ADK: variants seen among roughly 807,000 people sequenced by gnomAD.
The protein encoded by ADK is adenosine kinase, also known as N6,N6-dimethyladenosine kinase.
In ADK, 24 loss-of-function variants were observed where a neutral mutation model predicts 44.7. The observed-to-expected ratio is 0.54, with a 90% CI of 0.39 to 0.76. The LOEUF (loss-of-function observed/expected upper bound fraction) is 0.76, where lower values mean the gene tolerates loss of function less well. Among genes scored for constraint, ADK ranks in the 30% least tolerant of loss-of-function variants. ADK has a pLI of 0.00. For synonymous variants in ADK, 128 were observed against 142.6 expected (o/e 0.90, Z 0.73); for missense variants, 321 against 425.1 (o/e 0.76, Z 2.15).
At chr10:74,696,155 G>A (rs1474800985) in intron 10 of ADK, among the ~76,000 whole-genome samples, 2 of 151,772 alleles carry the variant, frequency 1.3e-5, no homozygotes, top group Admixed American at 6.6e-5. Context: ...CGAATAGCTA[G>A]GATTGCAGGC....
At chr10:74,335,753 ATTGT>A (rs755057516) in intron 4 of ADK, among the ~76,000 whole-genome samples, 1 of 152,112 alleles carries the variant, frequency 6.6e-6, no homozygotes, top group Non-Finnish European at 1.5e-5. Flanking sequence ...GGAGCATCTC[ATTGT>A]TTGTTTCTAC....
At chr10:74,230,892 G>T (rs1844734656) in intron 3 of ADK, among the ~76,000 whole-genome samples, 1 of 152,110 alleles carries the variant, frequency 6.6e-6, no homozygotes, top group African/African-American at 2.4e-5. Flanking sequence ...ATATTGGTCA[G>T]GCTGGTCTCA....
At chr10:74,574,170 T>C (rs938971526) in intron 7 of ADK, among the ~76,000 whole-genome samples, 73 of 150,382 alleles carry the variant, frequency 4.9e-4, no homozygotes, top group African/African-American at 9.0e-4. Context: ...TTCTTTCTTT[T>C]TTTTTTTTTT....
At chr10:74,667,229 A>G (rs774083387) in intron 9 of ADK, among the ~76,000 whole-genome samples, 28 of 152,310 alleles carry the variant, frequency 1.8e-4, no homozygotes, top group South Asian at 6.2e-4. Flanking sequence ...AAGATTTTTC[A>G]GAGTCATCAT....
intron 4 of ADK, chr10:74,344,805 T>C (rs1045240601): frequency 5.5e-6 from 1 of 181,210 alleles, no homozygotes; most frequent in South Asian, 1.1e-4. Context: ...TGTGCACCCA[T>C]ATTCTTTTGG....
intron 9 of ADK, among the ~76,000 whole-genome samples, chr10:74,640,981 T>G (rs1214724040): frequency 2.0e-5 from 3 of 152,216 alleles, no homozygotes; most frequent in African/African-American, 7.2e-5. Flanking sequence ...GGGAAAAAGA[T>G]TAAAAATACT....
intron 9 of ADK, among the ~76,000 whole-genome samples, chr10:74,664,134 A>C (rs371652088): frequency 4.6e-5 from 7 of 152,232 alleles, no homozygotes; most frequent in African/African-American, 1.7e-4. Flanking sequence ...ATAGCCTAAA[A>C]GTCCATCAGT....
chr10:74,261,336 T>C (rs1296466780), intron 3 of ADK, among the ~76,000 whole-genome samples: 1 of 152,138 alleles, frequency 6.6e-6, no homozygotes, highest in Non-Finnish European at 1.5e-5. Flanking sequence ...TTATCATAGG[T>C]TCGAAACTCA....
At chr10:74,334,773 G>A (rs1463591315) in intron 4 of ADK, among the ~76,000 whole-genome samples, 1 of 152,024 alleles carries the variant, frequency 6.6e-6, no homozygotes, top group Non-Finnish European at 1.5e-5. Flanking sequence ...CATAGGGGGA[G>A]GGCTGGTCTC....
intron 7 of ADK, among the ~76,000 whole-genome samples, chr10:74,548,682 C>T (rs1198205182): frequency 4.6e-5 from 7 of 152,228 alleles, no homozygotes; most frequent in African/African-American, 1.7e-4. Context: ...ACCTCCAAAA[C>T]AAGAGTGAAC....
At chr10:74,354,733 C>G (rs1842077557) in intron 4 of ADK, among the ~76,000 whole-genome samples, 1 of 152,174 alleles carries the variant, frequency 6.6e-6, no homozygotes. Context: ...CTGACTTGAT[C>G]TGTTACATGA....
At chr10:74,414,605 G>A (rs1844303432) in intron 6 of ADK, among the ~76,000 whole-genome samples, 1 of 151,962 alleles carries the variant, frequency 6.6e-6, no homozygotes, top group Non-Finnish European at 1.5e-5. Flanking sequence ...GCGTGGTGGC[G>A]CATGCCTGTA....
chr10:74,364,214 T>A (rs1436579120), intron 4 of ADK, among the ~76,000 whole-genome samples: 1 of 152,222 alleles, frequency 6.6e-6, no homozygotes, highest in Non-Finnish European at 1.5e-5. Context: ...TTCTCATGCC[T>A]TGAGTCTAAT....
At chr10:74,184,397 ATGGCTCAC>A (rs1355634145) in intron 1 of ADK, among the ~76,000 whole-genome samples, 8 of 152,164 alleles carry the variant, frequency 5.3e-5, no homozygotes, top group Non-Finnish European at 8.8e-5. Flanking sequence ...TAGTGCAATC[ATGGCTCAC>A]TGTAACCTTG....
intron 6 of ADK, among the ~76,000 whole-genome samples, chr10:74,447,486 G>A (rs1272828505): frequency 5.3e-5 from 8 of 152,146 alleles, no homozygotes; most frequent in Non-Finnish European, 1.2e-4. Context: ...AAGTAAAGGG[G>A]AGGGCAGAGA....
intron 6 of ADK, among the ~76,000 whole-genome samples, chr10:74,523,865 A>G (rs916117826): frequency 2.0e-5 from 3 of 152,208 alleles, no homozygotes; most frequent in African/African-American, 7.2e-5. Flanking sequence ...GACATTTATT[A>G]ACTGTTGCTG....
At chr10:74,596,511 A>G (rs1270637746) in intron 8 of ADK, among the ~76,000 whole-genome samples, 1 of 150,740 alleles carries the variant, frequency 6.6e-6, no homozygotes, top group African/African-American at 2.4e-5. Flanking sequence ...ATTCAATGCA[A>G]TCCCTATCAA....
intron 6 of ADK, among the ~76,000 whole-genome samples, chr10:74,406,766 C>T (rs1051022130): frequency 5.3e-5 from 8 of 151,914 alleles, no homozygotes; most frequent in African/African-American, 7.2e-5. Flanking sequence ...CTGCAACCCC[C>T]GCCTCCTGGG....
At chr10:74,435,065 G>A (rs987450584) in intron 6 of ADK, among the ~76,000 whole-genome samples, 4 of 152,220 alleles carry the variant, frequency 2.6e-5, no homozygotes, top group Non-Finnish European at 2.9e-5. Flanking sequence ...AAAGATGGTA[G>A]TAGTAGGCAC....
Sources: gnomAD v4.1 joint callset for allele counts (sites outside exome capture counted in the v4.1 genomes callset) on GRCh38, gnomAD v4.1.1 for gene constraint, MANE v1.5 for transcripts, NCBI Gene and HGNC (gene_info 2026-07-23, HGNC 2026-07-21) for gene names.